TSHZ3: variants seen among roughly 807,000 people sequenced by gnomAD.
The protein encoded by TSHZ3 is teashirt homolog 3.
A neutral mutation model predicts 64.5 loss-of-function variants in TSHZ3; 10 were observed. The ratio of observed to expected loss-of-function variants is 0.16; its 90% CI spans 0.10 to 0.26. The LOEUF (loss-of-function observed/expected upper bound fraction) is 0.26, where lower values mean the gene tolerates loss of function less well. Ranked by LOEUF, TSHZ3 falls within the 10% of genes least tolerant of loss-of-function variation. The pLI is 1.00. For synonymous variants in TSHZ3, 608 were observed against 593.1 expected, an observed-to-expected ratio of 1.03 and a Z score of -0.36; for missense variants, 1,242 against 1,421.7, an observed-to-expected ratio of 0.87 and a Z score of 2.03.
intron 1 of TSHZ3, among the ~76,000 whole-genome samples, chr19:31,316,754 G>A (rs992849658): frequency 1.3e-5 from 2 of 152,264 alleles, no homozygotes; most frequent in African/African-American, 4.8e-5. Context: ...GAAAAGCAGA[G>A]AGGGAAAGAA....
rs767096915 is a variant in TSHZ3 at position 31,277,975 on chromosome 19, G to A, written c.1818C>T (p.Asn606=). The A allele has an allele frequency of 1.4e-5, 22 of 1,614,124 alleles. 2 individuals are homozygous for A. The highest frequency in any genetic ancestry group is 1.3e-4 in the African/African-American group (10 of 74,958). The part of the protein sequence containing the change: ...SSQTSPMPKT[N]FHAMEELVKK... ...TCACCAGCTCCTCCATGGCATGAAA[G>A]TTTGTCTTGGGCATGGGGGACGTCT... The change falls in exon 2 of 2, where the codon AAC becomes AAT. Residue 606 remains asparagine (N), a synonymous_variant. Coordinates refer to ENST00000240587, the MANE Select transcript of TSHZ3 (RefSeq NM_020856.4). The surrounding 1 kb of genome is among the most constrained non-coding windows in gnomAD (Gnocchi z 4.5).
At chr19:31,178,158 GAT>G (rs1212510324) in intron 5 of TSHZ3, among the ~76,000 whole-genome samples, 2 of 152,202 alleles carry the variant, frequency 1.3e-5, no homozygotes, top group Non-Finnish European at 2.9e-5. Flanking sequence ...ATTGATGATA[GAT>G]ATGATCGTTC....
intron 4 of TSHZ3, among the ~76,000 whole-genome samples, chr19:31,221,119 GAC>G (rs1975390403): frequency 6.6e-6 from 1 of 152,212 alleles, no homozygotes; most frequent in African/African-American, 2.4e-5. Context: ...TACTATGCCA[GAC>G]ACAGGGGATG....
At chr19:31,250,444 G>C (rs1181126797) in intron 1 of TSHZ3, among the ~76,000 whole-genome samples, 1 of 152,146 alleles carries the variant, frequency 6.6e-6, no homozygotes, top group Non-Finnish European at 1.5e-5. Flanking sequence ...TATCCACACA[G>C]GTAGAGAATA....
At chr19:31,286,882 C>T (rs1035141659) in intron 1 of TSHZ3, among the ~76,000 whole-genome samples, 2 of 152,206 alleles carry the variant, frequency 1.3e-5, no homozygotes, top group Middle Eastern at 3.2e-3. Flanking sequence ...GAGAAGAGAG[C>T]TGGCCCACCG....
intron 1 of TSHZ3, among the ~76,000 whole-genome samples, chr19:31,343,986 A>G (rs1917510955): frequency 6.6e-6 from 1 of 152,224 alleles, no homozygotes; most frequent in South Asian, 2.1e-4. Flanking sequence ...ATCTTATCTT[A>G]TTATATGACT....
At chr19:31,313,104 C>T (rs1039175235) in intron 1 of TSHZ3, among the ~76,000 whole-genome samples, 8 of 152,152 alleles carry the variant, frequency 5.3e-5, no homozygotes, top group African/African-American at 1.9e-4. Flanking sequence ...ACTCAGGATG[C>T]CAAACCTGCT....
intron 5 of TSHZ3, among the ~76,000 whole-genome samples, chr19:31,188,865 G>A (rs1167082814): frequency 1.1e-4 from 17 of 151,806 alleles, no homozygotes; most frequent in East Asian, 3.9e-4. Context: ...TGAAAAATTC[G>A]TATTTTTTGA....
chr19:31,245,552 A>G (rs1342663313), intron 1 of TSHZ3, among the ~76,000 whole-genome samples: 1 of 152,210 alleles, frequency 6.6e-6, no homozygotes, highest in Non-Finnish European at 1.5e-5. Flanking sequence ...TGGTAACAGA[A>G]TGCTTCTGTG....
chr19:31,269,134 G>A (rs1976098138), intron 1 of TSHZ3, among the ~76,000 whole-genome samples: 1 of 152,058 alleles, frequency 6.6e-6, no homozygotes, highest in Non-Finnish European at 1.5e-5. Flanking sequence ...TCATTTGACT[G>A]GGTTGCAGCT....
At chr19:31,245,822 T>C (rs868803365) in intron 1 of TSHZ3, among the ~76,000 whole-genome samples, 1 of 152,176 alleles carries the variant, frequency 6.6e-6, no homozygotes, top group Non-Finnish European at 1.5e-5. Flanking sequence ...TCAGCATTCA[T>C]TGCAGGTAGT....
At position 31,326,793 on chromosome 19, in the gene TSHZ3, G is replaced by A. The variant is rs774618336; in HGVS notation, c.40+22387C>T. On this transcript the variant is annotated intron_variant, in intron 1 of 1. Coordinates refer to ENST00000240587, the MANE Select transcript of TSHZ3 (RefSeq NM_020856.4). ...TCTGCTCAGGGTAGCTCTGCACTGC[G>A]AGTGCCCATGTCTCAGTCTCCCTTA... is the stretch of plus-strand genomic sequence containing the variant. Among the ~76,000 whole-genome samples, 149 of 152,348 alleles carry A rather than the reference G, an allele frequency of 9.8e-4. 2 individuals carry two copies. The highest frequency in any genetic ancestry group is 4.1e-4 in the South Asian group (2 of 4,826).
chr19:31,329,505 G>C (rs954500311), intron 1 of TSHZ3, among the ~76,000 whole-genome samples: 1 of 152,162 alleles, frequency 6.6e-6, no homozygotes, highest in African/African-American at 2.4e-5. Flanking sequence ...TCTGCTTTTG[G>C]TCATCATCTT....
intron 1 of TSHZ3, among the ~76,000 whole-genome samples, chr19:31,259,421 T>A (rs2145197582): frequency 6.6e-6 from 1 of 152,302 alleles, no homozygotes; most frequent in South Asian, 2.1e-4. Flanking sequence ...TGTTACCCCA[T>A]AACAGTCTTC....
chr19:31,275,358 C>T lies in TSHZ3; in HGVS notation c.*1189G>A, dbSNP rs1976208965. The T allele has an allele frequency of 6.6e-6, 1 of 152,006 alleles. No individual in the cohort carries two copies. Among genetic ancestry groups the T allele is most frequent in the Admixed American group, 6.6e-5 (1 of 15,202 alleles). 9.4% of individuals were successfully genotyped at this position (152,006 alleles called of 1,614,324 possible). The stretch of plus-strand genomic sequence containing the variant: ...GGTTGGATCACAGAATGCCTCATGA[C>T]TTTTAAGCAAAGTATTACAGTACAA... On this transcript the variant is annotated 3_prime_UTR_variant, in exon 2 of 2. Transcript: ENST00000240587.
downstream of TSHZ3, among the ~76,000 whole-genome samples, chr19:31,272,272 G>A (rs1216343893): frequency 1.3e-5 from 2 of 152,026 alleles, no homozygotes; most frequent in African/African-American, 2.4e-5. Context: ...TTGTCACCAC[G>A]TCTGTGGAAC....
intron 5 of TSHZ3, among the ~76,000 whole-genome samples, chr19:31,182,649 G>A (rs1974735300): frequency 2.0e-5 from 3 of 152,128 alleles, no homozygotes; most frequent in Admixed American, 6.5e-5. Context: ...TGTCAGACAC[G>A]CCTCAACTTT....
At chr19:31,264,174 C>T (rs936626240) in intron 1 of TSHZ3, among the ~76,000 whole-genome samples, 5 of 152,206 alleles carry the variant, frequency 3.3e-5, no homozygotes, top group African/African-American at 1.2e-4. Context: ...AACCTTCCTC[C>T]TGCAAGCCCT....
intron 1 of TSHZ3, among the ~76,000 whole-genome samples, chr19:31,310,465 G>A (rs1916426985): frequency 1.3e-5 from 2 of 152,152 alleles, no homozygotes; most frequent in Non-Finnish European, 2.9e-5. Flanking sequence ...ATGGATGAAT[G>A]GATGAACTCA....
Sources: gnomAD v4.1 joint callset for allele counts (sites outside exome capture counted in the v4.1 genomes callset) on GRCh38, gnomAD v4.1.1 for gene constraint, Gnocchi (gnomAD v3.1) non-coding constraint, MANE v1.5 for transcripts, NCBI Gene and HGNC (gene_info 2026-07-23, HGNC 2026-07-21) for gene names.